Variants in CPEB3 observed in about 807,000 individuals in gnomAD.
CPEB3 encodes cytoplasmic polyadenylation element-binding protein 3.
CPEB3 carries 20 observed loss-of-function variants against 67.2 expected under a neutral mutation model. The ratio of observed to expected loss-of-function variants is 0.30; its 90% CI spans 0.21 to 0.43. The LOEUF (loss-of-function observed/expected upper bound fraction) is 0.43. Among genes scored for constraint, CPEB3 ranks in the 20% least tolerant of loss-of-function variants. The pLI, the probability that CPEB3 is intolerant of heterozygous loss-of-function variation, is 1.00. For synonymous variants in CPEB3, 376 were observed against 393.1 expected, an observed-to-expected ratio of 0.96 and a Z score of 0.51; for missense variants, 746 against 968.6, an observed-to-expected ratio of 0.77 and a Z score of 3.05.
intron 9 of CPEB3, among the ~76,000 whole-genome samples, chr10:92,057,227 G>A (rs757994339): frequency 6.6e-6 from 1 of 152,188 alleles, no homozygotes. Context: ...CCAGAGGGGA[G>A]CCTAGTGCCC....
chr10:92,088,541 T>C (rs1342475844), intron 8 of CPEB3, among the ~76,000 whole-genome samples: 1 of 152,176 alleles, frequency 6.6e-6, no homozygotes, highest in Admixed American at 6.5e-5. Flanking sequence ...GAGGTGTTTG[T>C]ATATTTCTGT....
intron 9 of CPEB3, among the ~76,000 whole-genome samples, chr10:92,054,447 G>A (rs777060870): frequency 6.6e-6 from 1 of 150,916 alleles, no homozygotes; most frequent in Admixed American, 6.6e-5. Context: ...TTTTGAGACG[G>A]CGTCTCACTC....
intron 9 of CPEB3, among the ~76,000 whole-genome samples, chr10:92,076,860 G>C (rs1263953083): frequency 6.6e-6 from 1 of 151,690 alleles, no homozygotes; most frequent in African/African-American, 2.4e-5. Context: ...AAGAAAGGAG[G>C]AGGAGGAAAG....
At chr10:92,232,389 A>T (rs1851313083) in intron 2 of CPEB3, among the ~76,000 whole-genome samples, 1 of 152,114 alleles carries the variant, frequency 6.6e-6, no homozygotes, top group African/African-American at 2.4e-5. Flanking sequence ...TGCAGATCAA[A>T]ACACTATAAA....
intron 2 of CPEB3, among the ~76,000 whole-genome samples, 164 bp from the exon 3 acceptor site, chr10:92,192,800 T>G (rs534441434): frequency 6.6e-6 from 1 of 152,318 alleles, no homozygotes; most frequent in East Asian, 1.9e-4. Flanking sequence ...ATTTACTTTG[T>G]AGAGATGGGG....
At chr10:92,081,549 AC>A in intron 8 of CPEB3, 48 bp from the exon 9 acceptor site, 1 of 1,509,444 alleles carries the variant, frequency 6.6e-7, no homozygotes, top group Non-Finnish European at 9.1e-7. Context: ...TCTGGGAGGT[AC>A]TCTTGCCCAG....
At position 92,239,562 on chromosome 10, in the gene CPEB3, C is replaced by G. The variant is rs1365369663; in HGVS notation, c.789G>C (p.Gln263His). 1 of 1,555,448 alleles carries G rather than the reference C, an allele frequency of 6.4e-7. No individual in the cohort carries two copies. The highest frequency in any genetic ancestry group is 2.0e-5 in the Admixed American group (1 of 51,216). The change falls in exon 2 of 10, where the codon CAG (glutamine) becomes CAC (histidine). Residue 263 changes from glutamine (Q) to histidine (H), a missense_variant. Gln to His is a conservative substitution (Grantham distance 24). Coordinates refer to ENST00000265997, the MANE Select transcript of CPEB3 (RefSeq NM_014912.5). This position sits in a 1 kb window ranked among gnomAD's most constrained non-coding sequence, Gnocchi z 6.0. ...SAPSNPWGGL[Q>H]AGRDPRRAVG... The stretch of plus-strand genomic sequence containing the variant: ...CCGCCCGGCGAGGGTCCCGGCCCGC[C>G]TGCAGGCCGCCCCAGGGGTTGGACG...
At chr10:92,241,003 T>C (rs556282082) in intron 1 of CPEB3, among the ~76,000 whole-genome samples, 101 of 152,206 alleles carry the variant, frequency 6.6e-4, no homozygotes, top group African/African-American at 2.4e-3. Context: ...GCACAATCAT[T>C]CTCTGGCCTC....
chr10:92,053,989 A>G (rs1842019234), intron 9 of CPEB3, among the ~76,000 whole-genome samples: 1 of 152,168 alleles, frequency 6.6e-6, no homozygotes, highest in Admixed American at 6.5e-5. Flanking sequence ...CCTGGTCGAA[A>G]TAGTATCTTA....
chr10:92,165,677 T>A (rs1847706497), intron 4 of CPEB3, among the ~76,000 whole-genome samples: 1 of 152,234 alleles, frequency 6.6e-6, no homozygotes, highest in Non-Finnish European at 1.5e-5. Context: ...ACTAAATGTA[T>A]GTAATATTCT....
At position 92,145,031 on chromosome 10, in the gene CPEB3, G is replaced by A; in HGVS notation, c.1277C>T (p.Ser426Phe). 6.2e-7 allele frequency: 1 copy of A among 1,614,074 alleles called. No homozygotes were observed. The highest frequency in any genetic ancestry group is 8.5e-7 in the Non-Finnish European group (1 of 1,179,928). ...TTCCCCATTTTGACAGCGAGTGGGA[G>A]AACTTAAGCCAGATGACAAGGCTTG... Reference protein sequence around the residue: ...GDQALSSGLSSPTRCQNGERV... With the variant: ...GDQALSSGLSFPTRCQNGERV... The change falls in exon 5 of 10, where the codon TCT becomes TTT. Residue 426 changes from serine to phenylalanine, a missense_variant. By Grantham distance (155) the Ser-to-Phe change is radical. Around this residue, in one of 2 missense-constraint regions of CPEB3, gnomAD observed 643 missense variants for 717.5 expected, o/e 0.90. Coordinates refer to ENST00000265997, the MANE Select transcript of CPEB3 (RefSeq NM_014912.5).
intron 6 of CPEB3, among the ~76,000 whole-genome samples, chr10:92,114,903 T>C (rs941170034): frequency 1.3e-5 from 2 of 152,276 alleles, no homozygotes; most frequent in African/African-American, 2.4e-5. Flanking sequence ...TTTCTTTTAC[T>C]GCATTTTCAA....
At chr10:92,214,010 A>G (rs191616385) in intron 2 of CPEB3, among the ~76,000 whole-genome samples, 2 of 152,322 alleles carry the variant, frequency 1.3e-5, no homozygotes, top group East Asian at 3.9e-4. Context: ...TCAACTTTTT[A>G]CCATTGCACA....
At chr10:92,190,165 C>G (rs1023755189) in intron 3 of CPEB3, among the ~76,000 whole-genome samples, 23 of 152,056 alleles carry the variant, frequency 1.5e-4, no homozygotes, top group Non-Finnish European at 3.1e-4. Flanking sequence ...GTAATCCCAG[C>G]TGCTCAGGAG....
chr10:92,274,552 G>T (rs753245636), intron 1 of CPEB3, among the ~76,000 whole-genome samples: 10 of 152,074 alleles, frequency 6.6e-5, no homozygotes, highest in African/African-American at 2.4e-4. Flanking sequence ...AACAAATGTC[G>T]TTCTGGGGCC....
Position 92,074,589 on chromosome 10 carries a change from G to A in CPEB3, c.1869+6731C>T, listed in dbSNP as rs144459122. ...GAAAAGTGGGTATTAGCCAGGCAAC[G>A]TATGTATAATGACCCTGAGAAATAG... On this transcript the variant is annotated intron_variant, in intron 9 of 9. Transcript: ENST00000265997. Among the ~76,000 whole-genome samples, 280 of 152,290 alleles carry A rather than the reference G, an allele frequency of 1.8e-3. 1 individual carries two copies. Among genetic ancestry groups the A allele is most frequent in the African/African-American group, 6.5e-3 (269 of 41,558 alleles).
At chr10:92,196,651 C>A (rs1393029142) in intron 2 of CPEB3, among the ~76,000 whole-genome samples, 1 of 152,004 alleles carries the variant, frequency 6.6e-6, no homozygotes. Context: ...GCCTGTAGTC[C>A]CAACTACTCG....
intron 6 of CPEB3, among the ~76,000 whole-genome samples, chr10:92,136,648 C>A (rs980983153): frequency 6.6e-6 from 1 of 151,958 alleles, no homozygotes; most frequent in Non-Finnish European, 1.5e-5. Flanking sequence ...GTAAACTCTG[C>A]CCCCCAGATT....
intron 2 of CPEB3, among the ~76,000 whole-genome samples, chr10:92,222,449 T>A (rs575173102): frequency 6.6e-6 from 1 of 152,330 alleles, no homozygotes; most frequent in African/African-American, 2.4e-5. Context: ...TTTGCTAGAT[T>A]TGAATTTAGA....
Sources: allele counts gnomAD v4.1 joint callset (sites outside exome capture counted in the v4.1 genomes callset), GRCh38; gene constraint gnomAD v4.1.1; regional missense constraint gnomAD v4.1.1; non-coding constraint Gnocchi (gnomAD v3.1); transcripts MANE v1.5; gene names NCBI Gene and HGNC (gene_info 2026-07-23, HGNC 2026-07-21).